Variants in LHFPL3 observed in about 807,000 individuals in gnomAD.
LHFPL3 encodes LHFPL tetraspan subfamily member 3, also known as LHFPL tetraspan subfamily member 3 protein.
A neutral mutation model predicts 19.3 loss-of-function variants in LHFPL3; 5 were observed. That is an observed-to-expected ratio of 0.26 (90% confidence interval 0.14 to 0.54). LHFPL3 has a LOEUF of 0.54. Ranked by LOEUF, LHFPL3 falls within the 20% of genes least tolerant of loss-of-function variation. The pLI, the probability that LHFPL3 is intolerant of heterozygous loss-of-function variation, is 0.94. For missense variants in LHFPL3, 249 were observed against 307.4 expected, an observed-to-expected ratio of 0.81 and a Z score of 1.42; for synonymous variants, 133 against 126.2, an observed-to-expected ratio of 1.05 and a Z score of -0.36.
At chr7:104,386,040 G>A (rs533916832) in intron 1 of LHFPL3, among the ~76,000 whole-genome samples, 119 of 152,182 alleles carry the variant, frequency 7.8e-4, no homozygotes, top group African/African-American at 2.8e-3. Context: ...ATATCGGTAA[G>A]AACAGTGAGC....
intron 1 of LHFPL3, among the ~76,000 whole-genome samples, chr7:104,467,813 A>G (rs1033677887): frequency 2.0e-5 from 3 of 152,166 alleles, no homozygotes; most frequent in Admixed American, 2.0e-4. Context: ...CATTTGGTTT[A>G]TTTATTTTCT....
At chr7:104,873,095 C>T (rs190047702) in intron 2 of LHFPL3, among the ~76,000 whole-genome samples, 6 of 152,280 alleles carry the variant, frequency 3.9e-5, no homozygotes, top group Admixed American at 2.0e-4. Context: ...TATGGGACCA[C>T]CATCATATAT....
intron 1 of LHFPL3, among the ~76,000 whole-genome samples, chr7:104,733,625 T>A (rs1019918586): frequency 6.6e-6 from 1 of 152,204 alleles, no homozygotes; most frequent in Non-Finnish European, 1.5e-5. Flanking sequence ...TCTCTGCACA[T>A]GAGATGGGTT....
At chr7:104,570,375 G>T (rs948605827) in intron 1 of LHFPL3, among the ~76,000 whole-genome samples, 9 of 152,172 alleles carry the variant, frequency 5.9e-5, no homozygotes, top group African/African-American at 2.2e-4. Context: ...CCAAAAGAAT[G>T]ACCTTCAATA....
At chr7:104,449,261 G>A (rs2116597387) in intron 1 of LHFPL3, among the ~76,000 whole-genome samples, 1 of 152,260 alleles carries the variant, frequency 6.6e-6, no homozygotes, top group Non-Finnish European at 1.5e-5. Context: ...TAAGAATGTT[G>A]TTGTTTCTTT....
At chr7:104,336,323 G>A (rs1019417351) in intron 1 of LHFPL3, among the ~76,000 whole-genome samples, 1 of 152,008 alleles carries the variant, frequency 6.6e-6, no homozygotes, top group South Asian at 2.1e-4. Flanking sequence ...TTGAAAAATA[G>A]AAATAATCTC....
At chr7:104,677,244 G>T (rs972547142) in intron 1 of LHFPL3, among the ~76,000 whole-genome samples, 5 of 152,020 alleles carry the variant, frequency 3.3e-5, no homozygotes, top group Admixed American at 1.3e-4. Context: ...GGGTGTGGTG[G>T]CATGTGCCTA....
intron 2 of LHFPL3, chr7:104,896,054 A>G (rs1792352433): frequency 6.6e-6 from 1 of 152,116 alleles, no homozygotes; most frequent in South Asian, 2.1e-4. Context: ...CGCACCTGGT[A>G]TTTCTTCCTC....
At chr7:104,842,703 TA>T (rs1452852290) in intron 2 of LHFPL3, among the ~76,000 whole-genome samples, 1 of 152,200 alleles carries the variant, frequency 6.6e-6, no homozygotes, top group East Asian at 1.9e-4. Flanking sequence ...GATAATGACT[TA>T]TTTGAAATGA....
At chr7:104,687,534 G>A (rs1301985873) in intron 1 of LHFPL3, among the ~76,000 whole-genome samples, 4 of 152,174 alleles carry the variant, frequency 2.6e-5, no homozygotes, top group South Asian at 2.1e-4. Flanking sequence ...CTCCCCTACC[G>A]TGAAGTTATT....
At chr7:104,495,845 AC>A (rs1477467764) in intron 1 of LHFPL3, among the ~76,000 whole-genome samples, 1 of 152,038 alleles carries the variant, frequency 6.6e-6, no homozygotes, top group Non-Finnish European at 1.5e-5. Flanking sequence ...AAAGCATTTC[AC>A]TTTGTTTTGT....
intron 1 of LHFPL3, among the ~76,000 whole-genome samples, chr7:104,609,154 A>G (rs1791163516): frequency 6.6e-6 from 1 of 151,986 alleles, no homozygotes; most frequent in Non-Finnish European, 1.5e-5. Context: ...AATCCCAGCT[A>G]CTCAGGAGGC....
chr7:104,423,195 T>C (rs1791768357), intron 1 of LHFPL3, among the ~76,000 whole-genome samples: 1 of 152,114 alleles, frequency 6.6e-6, no homozygotes, highest in African/African-American at 2.4e-5. Flanking sequence ...GGATGCAAGT[T>C]GTAAGCCTCA....
chr7:104,873,563 G>C (rs1198279210), intron 2 of LHFPL3, among the ~76,000 whole-genome samples: 1 of 152,164 alleles, frequency 6.6e-6, no homozygotes, highest in African/African-American at 2.4e-5. Flanking sequence ...AGGAATTTGA[G>C]GTTACAGCGA....
chr7:104,437,056 C>T (rs893760746), intron 1 of LHFPL3, among the ~76,000 whole-genome samples: 1 of 152,122 alleles, frequency 6.6e-6, no homozygotes, highest in Non-Finnish European at 1.5e-5. Flanking sequence ...TATATTTTTT[C>T]AGAAGTAGCT....
At chr7:104,688,962 T>G (rs1409404073) in intron 1 of LHFPL3, among the ~76,000 whole-genome samples, 1 of 152,202 alleles carries the variant, frequency 6.6e-6, no homozygotes, top group African/African-American at 2.4e-5. Flanking sequence ...ATCCTGCATT[T>G]AATGTTGCAA....
intron 1 of LHFPL3, among the ~76,000 whole-genome samples, chr7:104,673,743 A>C (rs1056505102): frequency 2.6e-5 from 4 of 152,222 alleles, no homozygotes; most frequent in African/African-American, 9.6e-5. Flanking sequence ...GATGGGTTGA[A>C]GTCAGAGCAT....
At chr7:104,545,313 C>T (rs1191512644) in intron 1 of LHFPL3, among the ~76,000 whole-genome samples, 2 of 152,292 alleles carry the variant, frequency 1.3e-5, no homozygotes, top group South Asian at 4.1e-4. Flanking sequence ...GGTTGTTTCA[C>T]CTCTGAATAG....
At chr7:104,744,600 C>T (rs187493583) in intron 2 of LHFPL3, among the ~76,000 whole-genome samples, 1 of 152,314 alleles carries the variant, frequency 6.6e-6, no homozygotes, top group East Asian at 1.9e-4. Flanking sequence ...CCTCTCCTCC[C>T]ACTCTTTTCA....
Sources: gnomAD v4.1 joint callset for allele counts (sites outside exome capture counted in the v4.1 genomes callset) on GRCh38, gnomAD v4.1.1 for gene constraint, MANE v1.5 for transcripts, NCBI Gene and HGNC (gene_info 2026-07-23, HGNC 2026-07-21) for gene names.